Variants in CRPPA observed in about 807,000 individuals in gnomAD.
The protein encoded by CRPPA is D-ribitol-5-phosphate cytidylyltransferase.
A neutral mutation model predicts 52.0 loss-of-function variants in CRPPA; 43 were observed. The ratio of observed to expected loss-of-function variants is 0.83; its 90% CI spans 0.65 to 1.07. CRPPA has a LOEUF of 1.07. Ranked by LOEUF, CRPPA falls within the 50% of genes least tolerant of loss-of-function variation. The pLI is 0.00. For missense variants in CRPPA, 629 were observed against 551.7 expected (o/e 1.14, Z -1.40); for synonymous variants, 250 against 203.5 (o/e 1.23, Z -1.94).
chr7:16,163,696 T>C (rs1262361980), intron 9 of CRPPA, among the ~76,000 whole-genome samples: 2 of 152,208 alleles, frequency 1.3e-5, no homozygotes, highest in African/African-American at 4.8e-5. Flanking sequence ...CAGGAGCTCT[T>C]GTAAGGCAGG....
chr7:16,336,599 A>G (rs1785689347), intron 3 of CRPPA, among the ~76,000 whole-genome samples: 1 of 151,852 alleles, frequency 6.6e-6, no homozygotes, highest in Admixed American at 6.6e-5. Flanking sequence ...CAAAACAATC[A>G]GAAAACAAAG....
At chr7:16,356,949 T>C (rs2128308556) in intron 3 of CRPPA, among the ~76,000 whole-genome samples, 1 of 152,280 alleles carries the variant, frequency 6.6e-6, no homozygotes, top group African/African-American at 2.4e-5. Flanking sequence ...TGTGGTTCTC[T>C]GGGATATCAA....
intron 8 of CRPPA, among the ~76,000 whole-genome samples, chr7:16,230,364 G>A (rs1314631525): frequency 2.6e-5 from 4 of 151,624 alleles, no homozygotes; most frequent in African/African-American, 7.3e-5. Context: ...TCAAGTTCAG[G>A]TTCTTTCTTG....
intron 8 of CRPPA, among the ~76,000 whole-genome samples, chr7:16,228,808 A>G (rs533399026): frequency 1.3e-5 from 2 of 152,072 alleles, no homozygotes; most frequent in East Asian, 3.9e-4. Context: ...TATGTCTGTT[A>G]TGTCTATTTG....
chr7:16,292,865 T>C (rs962446445), intron 5 of CRPPA, among the ~76,000 whole-genome samples: 4 of 151,972 alleles, frequency 2.6e-5, no homozygotes, highest in African/African-American at 9.7e-5. Context: ...AAAAATTCCT[T>C]ACTTTCCTTG....
rs368593151 is a variant in CRPPA, at chr7:16,301,454, G to C, written c.802C>G (p.Arg268Gly). 1.2e-6 allele frequency: 2 copies of C among 1,612,072 alleles called. No individual in the cohort carries two copies. Among genetic ancestry groups the C allele is most frequent in the Middle Eastern group, 1.6e-4 (1 of 6,080 alleles). Reference sequence around the variant, plus strand: ...ATCGATTCAGCCGCATAGAGATCTCGTTTGTAGGTCACCTAAAGGACAGAT... The same window carrying C: ...ATCGATTCAGCCGCATAGAGATCTCCTTTGTAGGTCACCTAAAGGACAGAT... Reference protein sequence around the residue: ...SPDLWKVTYKRDLYAAESIIK... With the variant: ...SPDLWKVTYKGDLYAAESIIK... The change falls in exon 5 of 10, where the codon CGA becomes GGA. Residue 268 changes from arginine (R) to glycine (G), a missense_variant. Arg to Gly is a moderately radical substitution (Grantham distance 125, BLOSUM62 -2). Coordinates refer to ENST00000407010, the MANE Select transcript of CRPPA (RefSeq NM_001101426.4).
At chr7:16,269,393 G>T (rs1293156983) in intron 6 of CRPPA, 1 of 152,124 alleles carries the variant, frequency 6.6e-6, no homozygotes, top group African/African-American at 2.4e-5. Flanking sequence ...ATGCAATCCA[G>T]TAGAATAGAG....
At chr7:16,364,744 T>C (rs1451456805) in intron 3 of CRPPA, among the ~76,000 whole-genome samples, 3 of 152,312 alleles carry the variant, frequency 2.0e-5, no homozygotes, top group East Asian at 3.9e-4. Flanking sequence ...CCTGAAAATT[T>C]TGGTAAATTA....
intron 9 of CRPPA, among the ~76,000 whole-genome samples, chr7:16,204,792 A>T (rs927906268): frequency 5.3e-5 from 8 of 152,198 alleles, no homozygotes; most frequent in Admixed American, 1.3e-4. Flanking sequence ...CTGTCTTCAT[A>T]AGCTTTGATA....
intron 9 of CRPPA, among the ~76,000 whole-genome samples, chr7:16,169,863 C>A (rs1583405183): frequency 1.3e-5 from 2 of 152,130 alleles, no homozygotes; most frequent in Admixed American, 6.5e-5. Context: ...AAACAAGAAG[C>A]ACTCACTGTA....
intron 9 of CRPPA, among the ~76,000 whole-genome samples, chr7:16,164,301 G>T (rs1281056874): frequency 6.6e-6 from 1 of 152,072 alleles, no homozygotes; most frequent in Non-Finnish European, 1.5e-5. Context: ...TGATCCATTT[G>T]GCTAAAGATA....
intron 9 of CRPPA, among the ~76,000 whole-genome samples, chr7:16,185,438 G>A (rs1781486666): frequency 6.6e-6 from 1 of 152,020 alleles, no homozygotes; most frequent in East Asian, 1.9e-4. Context: ...TATCACCATG[G>A]CTCATTTTAC....
At chr7:16,172,268 T>C (rs1339833902) in intron 9 of CRPPA, among the ~76,000 whole-genome samples, 1 of 152,156 alleles carries the variant, frequency 6.6e-6, no homozygotes, top group Non-Finnish European at 1.5e-5. Flanking sequence ...TGTTCTGAAG[T>C]TGGGTCTGCA....
intron 3 of CRPPA, among the ~76,000 whole-genome samples, chr7:16,317,079 T>C (rs1785159393): frequency 6.6e-6 from 1 of 152,098 alleles, no homozygotes; most frequent in Non-Finnish European, 1.5e-5. Flanking sequence ...TTGAATAGGA[T>C]TTGCTTCATA....
intron 3 of CRPPA, among the ~76,000 whole-genome samples, chr7:16,325,161 T>A (rs1785353428): frequency 6.6e-6 from 1 of 152,208 alleles, no homozygotes; most frequent in Non-Finnish European, 1.5e-5. Flanking sequence ...GATGACTAAA[T>A]CATGTTCCAT....
chr7:16,388,131 G>A (rs1275810980), intron 2 of CRPPA, among the ~76,000 whole-genome samples: 1 of 152,058 alleles, frequency 6.6e-6, no homozygotes, highest in Non-Finnish European at 1.5e-5. Flanking sequence ...CTACAGGCAT[G>A]TGCCACCCCA....
At chr7:16,141,527 T>C (rs1053822006) in intron 9 of CRPPA, among the ~76,000 whole-genome samples, 1 of 152,228 alleles carries the variant, frequency 6.6e-6, no homozygotes, top group Non-Finnish European at 1.5e-5. Flanking sequence ...TGAGCTAATA[T>C]GACTATTAAA....
At chr7:16,092,209 GA>G (rs1204990363) in intron 9 of CRPPA, among the ~76,000 whole-genome samples, 1 of 152,124 alleles carries the variant, frequency 6.6e-6, no homozygotes, top group African/African-American at 2.4e-5. Context: ...GTATAGGGGG[GA>G]AAACCCTGCT....
At chr7:16,134,619 T>G (rs903659723) in intron 9 of CRPPA, among the ~76,000 whole-genome samples, 6 of 152,336 alleles carry the variant, frequency 3.9e-5, no homozygotes, top group Middle Eastern at 3.4e-3. Flanking sequence ...AACCCAATGT[T>G]GTTCAAGGGT....
Sources: allele counts gnomAD v4.1 joint callset (sites outside exome capture counted in the v4.1 genomes callset), GRCh38; gene constraint gnomAD v4.1.1; transcripts MANE v1.5; gene names NCBI Gene and HGNC (gene_info 2026-07-23, HGNC 2026-07-21).